The following SLCO3A1 variants were observed in gnomAD, a reference collection of about 807,000 sequenced individuals.
The protein encoded by SLCO3A1 is solute carrier organic anion transporter family member 3A1.
Under a neutral mutation model 63.1 loss-of-function variants are expected in SLCO3A1, and 27 were observed. The observed-to-expected ratio is 0.43, with a 90% CI of 0.32 to 0.59. The LOEUF (loss-of-function observed/expected upper bound fraction) is 0.59, where lower values mean the gene tolerates loss of function less well. SLCO3A1 is among the 20% of genes least tolerant of loss of function. The pLI is 0.09. For synonymous variants in SLCO3A1, 473 were observed against 409.9 expected (o/e 1.15, Z -1.86); for missense variants, 773 against 945.8 (o/e 0.82, Z 2.40).
chr15:92,104,308 C>T lies in SLCO3A1; in HGVS notation c.775C>T (p.Arg259Cys), dbSNP rs750983952. The T allele has an allele frequency of 1.9e-6, 3 of 1,614,076 alleles. No individual in the cohort carries two copies. Among genetic ancestry groups the T allele is most frequent in the South Asian group, 1.1e-5 (1 of 91,088 alleles). ...CCTGGACATCACTCCGGACGACCCC[C>T]GCTGGATCGGAGCCTGGTGGGGTGG... ...SNLDITPDDP[R>C]WIGAWWGGFL... The change falls in exon 4 of 10, where the codon CGC becomes TGC. Residue 259 changes from arginine to cysteine, a missense_variant. Physicochemically the swap from Arg to Cys is radical, Grantham distance 180 (BLOSUM62 -3). This residue lies in a region of SLCO3A1 where 565 missense variants were observed against 749.8 expected (regional missense o/e 0.75). Transcript: ENST00000318445.
At chr15:92,025,168 T>TC (rs2046556996) in intron 2 of SLCO3A1, among the ~76,000 whole-genome samples, 1 of 135,514 alleles carries the variant, frequency 7.4e-6, no homozygotes, top group Admixed American at 7.0e-5. Flanking sequence ...AGGTTGTCCT[T>TC]TTTTTTTTTT....
At chr15:92,092,022 A>G (rs1377442807) in intron 2 of SLCO3A1, among the ~76,000 whole-genome samples, 3 of 152,178 alleles carry the variant, frequency 2.0e-5, no homozygotes, top group East Asian at 1.9e-4. Flanking sequence ...TCACTGGCCC[A>G]TCTGGGCCCT....
intron 2 of SLCO3A1, among the ~76,000 whole-genome samples, chr15:91,993,540 T>C (rs1354685126): frequency 6.6e-6 from 1 of 152,178 alleles, no homozygotes; most frequent in East Asian, 1.9e-4. Context: ...CATCCACACA[T>C]CCATTCTTCA....
Position 92,164,777 on chromosome 15 carries a change from G to T in SLCO3A1, c.*1642G>T, listed in dbSNP as rs1220202746. On this transcript the variant is annotated 3_prime_UTR_variant, in exon 10 of 10. Coordinates refer to ENST00000318445, the MANE Select transcript of SLCO3A1 (RefSeq NM_013272.4). ...ATGAACCTGTTATGATTTGGGGTAA[G>T]AATCACGTTGGAAAACCTCTCGCAA... 2 of 985,426 alleles carry T rather than the reference G, an allele frequency of 2.0e-6. No individual in the cohort carries two copies. The highest frequency in any genetic ancestry group is 3.5e-5 in the African/African-American group (2 of 57,342). The allele number at this position is 985,426 out of a possible 1,614,324, so 61.0% of individuals were successfully genotyped here.
rs1414789917 is a variant in SLCO3A1, at chr15:91,900,932, ATAT to A, written c.181-15056_181-15054del. On this transcript the variant is annotated intron_variant, in intron 1 of 9. Coordinates refer to ENST00000318445, the MANE Select transcript of SLCO3A1 (RefSeq NM_013272.4). The surrounding 1 kb of genome is among the most constrained non-coding windows in gnomAD (Gnocchi z 4.3). ...TTGAGAGGGATATTAACTTCTCCAA[ATAT>A]TATTGTTGTATTGTTTATTTCGCCT... 1.3e-5 allele frequency among the ~76,000 whole-genome samples: 2 copies of A among 152,086 alleles called. No individual in the cohort carries two copies. Among genetic ancestry groups the A allele is most frequent in the East Asian group, 1.9e-4 (1 of 5,194 alleles).
Position 92,162,831 on chromosome 15 carries a change from A to G in SLCO3A1, c.1829A>G (p.Glu610Gly), listed in dbSNP as rs1323842433. The change falls in exon 10 of 10, where the codon GAG (glutamate) becomes GGG (glycine). Residue 610 changes from glutamate to glycine, a missense_variant. Glu to Gly is a moderately conservative substitution (Grantham distance 98). Coordinates refer to ENST00000318445, the MANE Select transcript of SLCO3A1 (RefSeq NM_013272.4). ...CTGTTCTGGAGCACGTTCTGTGGGG[A>G]GCAAGGCGCCTGCGTCCTCTACGAC... Reference protein sequence around the residue: ...TCLFWSTFCGEQGACVLYDNV... With the variant: ...TCLFWSTFCGGQGACVLYDNV... 3 of 1,614,102 alleles carry G rather than the reference A, an allele frequency of 1.9e-6. No homozygotes were observed. The highest frequency in any genetic ancestry group is 2.5e-6 in the Non-Finnish European group (3 of 1,180,016).
intron 2 of SLCO3A1, among the ~76,000 whole-genome samples, chr15:92,052,808 A>G (rs2046973136): frequency 7.1e-6 from 1 of 141,536 alleles, no homozygotes; most frequent in Non-Finnish European, 1.6e-5. Context: ...TTATATTTAT[A>G]TAAATACATT....
chr15:91,873,789 G>A (rs565208609), intron 1 of SLCO3A1, among the ~76,000 whole-genome samples: 16 of 152,004 alleles, frequency 1.1e-4, no homozygotes, highest in East Asian at 5.8e-4. Context: ...TATCTCTATC[G>A]CAATTGCCAT....
intron 2 of SLCO3A1, among the ~76,000 whole-genome samples, chr15:92,005,080 G>A (rs905759448): frequency 2.6e-5 from 4 of 152,226 alleles, no homozygotes; most frequent in African/African-American, 9.6e-5. Context: ...TATGATATTT[G>A]CATTGTTTAT....
chr15:91,864,335 C>T (rs77810870), intron 1 of SLCO3A1, among the ~76,000 whole-genome samples: 2,845 of 152,246 alleles, frequency 0.019, 72 homozygotes, highest in East Asian at 0.063. Context: ...AGCTCACATT[C>T]GCTGGCAGGT....
chr15:91,880,541 A>C (rs1897554881), intron 1 of SLCO3A1, among the ~76,000 whole-genome samples: 1 of 152,068 alleles, frequency 6.6e-6, no homozygotes, highest in African/African-American at 2.4e-5. Context: ...ACCCCAGGGC[A>C]GCACTATTCT....
intron 2 of SLCO3A1, among the ~76,000 whole-genome samples, chr15:91,993,872 G>T (rs1002838317): frequency 2.6e-5 from 4 of 152,160 alleles, no homozygotes; most frequent in African/African-American, 9.7e-5. Context: ...CATGTTGTGA[G>T]GACACCTAAG....
At chr15:92,025,686 G>A (rs370150100) in intron 2 of SLCO3A1, among the ~76,000 whole-genome samples, 25 of 152,252 alleles carry the variant, frequency 1.6e-4, no homozygotes, top group East Asian at 1.4e-3. Context: ...AACCATTCCC[G>A]TAGCTGTCTC....
chr15:92,075,575 G>A (rs2047266896), intron 2 of SLCO3A1, among the ~76,000 whole-genome samples: 1 of 152,206 alleles, frequency 6.6e-6, no homozygotes, highest in African/African-American at 2.4e-5. Context: ...ACCTTCCTCA[G>A]CCCATCCTAA....
chr15:91,956,876 A>G (rs113270464), intron 2 of SLCO3A1, among the ~76,000 whole-genome samples: 7,786 of 116,194 alleles, frequency 0.067, 292 homozygotes, highest in Non-Finnish European at 0.087. Context: ...TGCAGCCTCC[A>G]CCTCCTGGGT....
chr15:91,901,491 T>C (rs996908155), intron 1 of SLCO3A1, among the ~76,000 whole-genome samples: 2 of 152,210 alleles, frequency 1.3e-5, no homozygotes, highest in Non-Finnish European at 2.9e-5. Context: ...TATCGTTTCC[T>C]TTCCATCTGA....
At chr15:91,927,590 G>C (rs563382406) in intron 2 of SLCO3A1, among the ~76,000 whole-genome samples, 1 of 152,254 alleles carries the variant, frequency 6.6e-6, no homozygotes, top group South Asian at 2.1e-4. Flanking sequence ...GACTGAGGGA[G>C]GATTGGCGTT....
At chr15:92,147,222 T>C in intron 8 of SLCO3A1, 63 bp downstream of exon 8, 1 of 1,500,228 alleles carries the variant, frequency 6.7e-7, no homozygotes, top group Non-Finnish European at 9.1e-7. Context: ...GCAGGCCTCC[T>C]AGGGACCAGA....
At chr15:92,063,985 A>T (rs1315330765) in intron 2 of SLCO3A1, among the ~76,000 whole-genome samples, 1 of 152,188 alleles carries the variant, frequency 6.6e-6, no homozygotes, top group African/African-American at 2.4e-5. Context: ...TTCCCATTTC[A>T]TAGATGGGAT....
Sources: gnomAD v4.1 joint callset for allele counts (sites outside exome capture counted in the v4.1 genomes callset) on GRCh38, gnomAD v4.1.1 for gene constraint, gnomAD v4.1.1 regional missense constraint, Gnocchi (gnomAD v3.1) non-coding constraint, MANE v1.5 for transcripts, NCBI Gene and HGNC (gene_info 2026-07-23, HGNC 2026-07-21) for gene names.